The following TARS1 variants were observed in gnomAD, a reference collection of about 807,000 sequenced individuals.
TARS1 encodes threonine--tRNA ligase 1, cytoplasmic.
In TARS1, 57 loss-of-function variants were observed where a neutral mutation model predicts 97.7. The observed-to-expected ratio is 0.58, with a 90% confidence interval of 0.47 to 0.73. The LOEUF (loss-of-function observed/expected upper bound fraction) is 0.73, where lower values mean the gene tolerates loss of function less well. Ranked by LOEUF, TARS1 falls within the 30% of genes least tolerant of loss-of-function variation. The pLI is 0.00. For missense variants in TARS1, 806 were observed against 888.3 expected (o/e 0.91, Z 1.18); for synonymous variants, 312 against 293.7 (o/e 1.06, Z -0.64).
chr5:33,452,232 G>A (rs747736702), intron 3 of TARS1: 49 of 819,188 alleles, frequency 6.0e-5, no homozygotes, highest in Non-Finnish European at 9.1e-5. Context: ...TCTTCACAGT[G>A]TAGAATGTTG....
intron 1 of TARS1, among the ~76,000 whole-genome samples, chr5:33,443,306 C>CCCCT (rs1741211628): frequency 2.3e-5 from 2 of 85,512 alleles, no homozygotes; most frequent in Non-Finnish European, 4.7e-5. Flanking sequence ...GTGGTGATTC[C>CCCCT]CTCTCTCTCT....
At chr5:33,458,466 C>A in intron 9 of TARS1, 100 bp from the exon 10 acceptor site, 2 of 911,252 alleles carry the variant, frequency 2.2e-6, no homozygotes, top group Middle Eastern at 2.3e-4. Context: ...TATGGGACAT[C>A]ATGACCATAT....
In TARS1 at chr5:33,462,083, T is replaced by G. The variant is rs1398792479; in HGVS notation, c.1731-16T>G. The G allele has an allele frequency of 6.2e-7, 1 of 1,606,952 alleles. No individual in the cohort carries two copies. Among genetic ancestry groups the G allele is most frequent in the South Asian group, 1.1e-5 (1 of 89,068 alleles). ...ATATATATAATAAGACAAAACAATT[T>G]TTTTTTTCTTTATAGCCATGATGGT... On this transcript the variant is annotated splice_polypyrimidine_tract_variant and intron_variant, in intron 15 of 18. Coordinates refer to ENST00000265112, the MANE Select transcript of TARS1 (RefSeq NM_152295.5).
chr5:33,441,198 CG>C, intron 1 of TARS1, 55 bp downstream of exon 1: 6 of 1,602,792 alleles, frequency 3.7e-6, no homozygotes, highest in Non-Finnish European at 5.1e-6. Context: ...TGGGTGCAGA[CG>C]CTACGCTCGC....
chr5:33,454,611 C>T (rs1741922359), intron 4 of TARS1, among the ~76,000 whole-genome samples: 1 of 152,200 alleles, frequency 6.6e-6, no homozygotes, highest in Non-Finnish European at 1.5e-5. Context: ...GAACCTGGGC[C>T]ATTGCAATCA....
intron 4 of TARS1, among the ~76,000 whole-genome samples, chr5:33,454,473 G>A (rs1269404746): frequency 6.6e-6 from 1 of 152,170 alleles, no homozygotes; most frequent in East Asian, 1.9e-4. Context: ...ATTGTGTTGT[G>A]GGGTCGGGTT....
chr5:33,455,775 T>C, intron 6 of TARS1, 71 bp downstream of exon 6: 1 of 1,125,180 alleles, frequency 8.9e-7, no homozygotes, highest in Non-Finnish European at 1.3e-6. Flanking sequence ...GTGACACCAC[T>C]GGCGTTCCGT....
intron 10 of TARS1, among the ~76,000 whole-genome samples, chr5:33,459,484 C>CCATGCTGCAGTAG (rs1161858101): frequency 3.9e-5 from 6 of 152,244 alleles, no homozygotes; most frequent in African/African-American, 1.4e-4. Context: ...TTATTATCAG[C>CCATGCTGCAGTAG]CATGCTGCAG....
At chr5:33,452,222 TC>T in intron 3 of TARS1, 1 of 755,728 alleles carries the variant, frequency 1.3e-6, no homozygotes, top group South Asian at 1.7e-5. Context: ...GTATACTTTT[TC>T]TTCACAGTGT....
intron 2 of TARS1, 95 bp from the exon 3 acceptor site, chr5:33,448,446 G>A: frequency 1.8e-6 from 2 of 1,088,032 alleles, no homozygotes; most frequent in Non-Finnish European, 2.5e-6. Context: ...ATAGTCCTGG[G>A]TTTCTGTATT....
intron 17 of TARS1, among the ~76,000 whole-genome samples, chr5:33,465,060 C>T (rs2111601615): frequency 6.6e-6 from 1 of 151,878 alleles, no homozygotes; most frequent in Non-Finnish European, 1.5e-5. Flanking sequence ...AGCAAGACTC[C>T]ATCTCAAAAA....
Position 33,453,370 on chromosome 5 carries a change from T to C in TARS1, c.411T>C (p.Cys137=). The C allele has an allele frequency of 6.2e-7, 1 of 1,613,612 alleles. No individual in the cohort carries two copies. Among genetic ancestry groups the C allele is most frequent in the Non-Finnish European group, 8.5e-7 (1 of 1,179,892 alleles). ...WDLDRPLEED[C]TLELLKFEDE... Reference sequence around the variant, plus strand: ...TGGACCGCCCTCTGGAAGAAGATTGTACCTTGGAGCTTCTCAAGTTTGAGG... The same window carrying C: ...TGGACCGCCCTCTGGAAGAAGATTGCACCTTGGAGCTTCTCAAGTTTGAGG... The change falls in exon 4 of 19, where the codon TGT becomes TGC. Residue 137 remains cysteine, a synonymous_variant. Coordinates refer to ENST00000265112, the MANE Select transcript of TARS1 (RefSeq NM_152295.5).
In TARS1 at chr5:33,458,651, T is replaced by C. The variant is rs778079793; in HGVS notation, c.1070T>C (p.Ile357Thr). The C allele has an allele frequency of 2.5e-5, 40 of 1,612,150 alleles. No individual in the cohort carries two copies. The highest frequency in any genetic ancestry group is 1.6e-4 in the Middle Eastern group (1 of 6,074). ...GGAGCCTACATTTATAATGCACTTA[T>C]TGAATTCATTAGGGTAAGTCATATT... Reference protein sequence around the residue: ...PKGAYIYNALIEFIRSEYRKR... With the variant: ...PKGAYIYNALTEFIRSEYRKR... The change falls in exon 10 of 19, where the codon ATT (isoleucine) becomes ACT (threonine). Residue 357 changes from isoleucine to threonine, a missense_variant. Physicochemically the swap from Ile to Thr is moderately conservative, Grantham distance 89. This residue lies in a region of TARS1 where 446 missense variants were observed against 511.0 expected (regional missense o/e 0.87). Coordinates refer to ENST00000265112, the MANE Select transcript of TARS1 (RefSeq NM_152295.5).
Position 33,460,929 on chromosome 5 carries a change from C to T in TARS1, c.1278C>T (p.Ser426=), listed in dbSNP as rs973667161. 2.5e-6 allele frequency: 4 copies of T among 1,614,042 alleles called. No homozygotes were observed. The African/African-American group carries it at 5.3e-5, about 22-fold the overall frequency. Residue 426 remains serine, a synonymous_variant, in exon 12 of 19, where the codon TCC becomes TCT. Coordinates refer to ENST00000265112, the MANE Select transcript of TARS1 (RefSeq NM_152295.5). The stretch of plus-strand genomic sequence containing the variant: ...TTATGTTTGATCATCGGCCAAGGTC[C>T]TGGCGAGAACTGCCTCTGCGGCTAG... ...HCLMFDHRPR[S]WRELPLRLAD... is the part of the protein sequence containing the mutation.
At chr5:33,461,529 C>T (rs1309226429) in intron 13 of TARS1, 138 bp from the exon 14 acceptor site, 1 of 994,420 alleles carries the variant, frequency 1.0e-6, no homozygotes. Context: ...TTGGTATGAG[C>T]ATATGTTCAG....
intron 18 of TARS1, among the ~76,000 whole-genome samples, chr5:33,467,304 GA>G (rs1742573795): frequency 6.6e-6 from 1 of 151,714 alleles, no homozygotes; most frequent in African/African-American, 2.4e-5. Flanking sequence ...GGGATTACTT[GA>G]AAAAAGATAT....
At chr5:33,444,600 T>C (rs1741314916) in intron 1 of TARS1, among the ~76,000 whole-genome samples, 1 of 152,248 alleles carries the variant, frequency 6.6e-6, no homozygotes, top group South Asian at 2.1e-4. Flanking sequence ...TGTCTTACCT[T>C]GTATTACTTT....
intron 2 of TARS1, 146 bp from the exon 3 acceptor site, chr5:33,448,395 G>A: frequency 1.7e-6 from 1 of 574,194 alleles, no homozygotes; most frequent in Non-Finnish European, 2.8e-6. Context: ...TTGAGGTAAT[G>A]CCGGGTGATT....
In TARS1 at chr5:33,463,743, T is replaced by C. The variant is rs773296963; in HGVS notation, c.1836-10T>C. 5 of 1,608,050 alleles carry C rather than the reference T, an allele frequency of 3.1e-6. No individual in the cohort carries two copies. In the East Asian group the frequency reaches 1.1e-4, roughly 36 times the overall value. ...ACATCTACACTGAATATTTTTATTC[T>C]CTTCCAAAGGCCCTTTTGGCTGTCC... is the stretch of plus-strand genomic sequence containing the variant. On this transcript the variant is annotated splice_polypyrimidine_tract_variant and intron_variant, in intron 16 of 18. Transcript: ENST00000265112.
Sources: gnomAD v4.1 joint callset for allele counts (sites outside exome capture counted in the v4.1 genomes callset) on GRCh38, gnomAD v4.1.1 for gene constraint, gnomAD v4.1.1 regional missense constraint, MANE v1.5 for transcripts, NCBI Gene and HGNC (gene_info 2026-07-23, HGNC 2026-07-21) for gene names.